The following TMEM117 variants were observed in gnomAD, a reference collection of about 807,000 sequenced individuals.
TMEM117 encodes the protein transmembrane protein 117.
Under a neutral mutation model 52.4 loss-of-function variants are expected in TMEM117, and 27 were observed. The ratio of observed to expected loss-of-function variants is 0.51; its 90% confidence interval spans 0.38 to 0.71. TMEM117 has a LOEUF of 0.71. Ranked by LOEUF, TMEM117 falls within the 30% of genes least tolerant of loss-of-function variation. The pLI, the probability that TMEM117 is intolerant of heterozygous loss-of-function variation, is 0.00. For missense variants in TMEM117, 556 were observed against 630.5 expected, an observed-to-expected ratio of 0.88 and a Z score of 1.26; for synonymous variants, 215 against 206.3, an observed-to-expected ratio of 1.04 and a Z score of -0.36.
chr12:44,037,444 G>C (rs922180182), intron 3 of TMEM117, among the ~76,000 whole-genome samples: 1 of 152,082 alleles, frequency 6.6e-6, no homozygotes, highest in Non-Finnish European at 1.5e-5. Flanking sequence ...TAACATGCTA[G>C]ACTCCTGCCG....
At chr12:44,248,948 C>T (rs936537934) in intron 5 of TMEM117, 1 of 152,362 alleles carries the variant, frequency 6.6e-6, no homozygotes, top group African/African-American at 2.4e-5. Flanking sequence ...CCAGCATGTC[C>T]TTCTGCTCAG....
At chr12:44,321,867 G>T (rs939893414) in intron 6 of TMEM117, among the ~76,000 whole-genome samples, 1 of 152,114 alleles carries the variant, frequency 6.6e-6, no homozygotes, top group African/African-American at 2.4e-5. Context: ...AAGCTTAGTG[G>T]CAAATGTATC....
chr12:43,956,113 C>T (rs1386417530), intron 3 of TMEM117, among the ~76,000 whole-genome samples: 1 of 152,152 alleles, frequency 6.6e-6, no homozygotes, highest in Non-Finnish European at 1.5e-5. Context: ...AACTGGATCT[C>T]TTCCTTACAC....
At chr12:44,091,241 C>T (rs1947666699) in intron 3 of TMEM117, among the ~76,000 whole-genome samples, 1 of 152,096 alleles carries the variant, frequency 6.6e-6, no homozygotes, top group Non-Finnish European at 1.5e-5. Context: ...CAGGAAAGAC[C>T]AGCCCCCATG....
At chr12:43,806,662 C>T in the TMEM117 span, among the ~76,000 whole-genome samples, 11 of 152,286 alleles carry the variant, frequency 7.2e-5, no homozygotes, top group Non-Finnish European at 1.5e-4. Context: ...TAGGCATTTT[C>T]CAGCTTAAAA....
intron 5 of TMEM117, among the ~76,000 whole-genome samples, chr12:44,294,668 T>A (rs1248667790): frequency 1.3e-5 from 2 of 152,196 alleles, no homozygotes; most frequent in Non-Finnish European, 2.9e-5. Flanking sequence ...GGAGCCATTA[T>A]TAAGTAAAAG....
chr12:43,930,376 C>T (rs1290828852), intron 2 of TMEM117, among the ~76,000 whole-genome samples: 4 of 152,118 alleles, frequency 2.6e-5, no homozygotes, highest in East Asian at 3.8e-4. Flanking sequence ...TATTTTGTTC[C>T]CTCATGTCCT....
chr12:44,195,813 G>A (rs1949411193), intron 4 of TMEM117, among the ~76,000 whole-genome samples: 2 of 151,794 alleles, frequency 1.3e-5, no homozygotes, highest in African/African-American at 2.4e-5. Context: ...CAACTACCAG[G>A]GAGGCCAAGG....
intron 6 of TMEM117, among the ~76,000 whole-genome samples, chr12:44,352,711 T>C (rs939711303): frequency 5.9e-5 from 9 of 152,164 alleles, no homozygotes; most frequent in African/African-American, 2.2e-4. Flanking sequence ...GACATTTGGG[T>C]TGGTTCCAAG....
intron 4 of TMEM117, among the ~76,000 whole-genome samples, chr12:44,206,145 G>GGTA (rs1949562958): frequency 6.6e-6 from 1 of 151,940 alleles, no homozygotes; most frequent in Non-Finnish European, 1.5e-5. Flanking sequence ...TAAGTTCTAG[G>GGTA]GTACATGTGC....
the TMEM117 span, among the ~76,000 whole-genome samples, chr12:43,820,103 T>G: frequency 1.8e-3 from 271 of 151,588 alleles, no homozygotes; most frequent in South Asian, 4.6e-3. Flanking sequence ...AGGTGTATTT[T>G]TTTTTGTTTT....
At chr12:43,871,595 C>T (rs1943706053) in intron 2 of TMEM117, among the ~76,000 whole-genome samples, 1 of 152,146 alleles carries the variant, frequency 6.6e-6, no homozygotes, top group South Asian at 2.1e-4. Flanking sequence ...AAATATCTAT[C>T]TTTAGCTGTC....
At chr12:44,094,686 CA>C (rs1947728302) in intron 3 of TMEM117, among the ~76,000 whole-genome samples, 1 of 151,712 alleles carries the variant, frequency 6.6e-6, no homozygotes. Flanking sequence ...ATTCCATTAT[CA>C]CTAAGAAAAT....
intron 2 of TMEM117, among the ~76,000 whole-genome samples, chr12:43,848,800 A>G (rs545749292): frequency 6.6e-6 from 1 of 152,354 alleles, no homozygotes; most frequent in African/African-American, 2.4e-5. Flanking sequence ...AAATGTCCAT[A>G]TTAAGATGAA....
intron 3 of TMEM117, among the ~76,000 whole-genome samples, chr12:44,129,592 C>T (rs1251460748): frequency 6.6e-6 from 1 of 152,130 alleles, no homozygotes; most frequent in Admixed American, 6.5e-5. Context: ...TTCCTGCCTC[C>T]CTGTCTTGAA....
chr12:43,975,727 A>T (rs766405277), intron 3 of TMEM117, among the ~76,000 whole-genome samples: 6 of 152,208 alleles, frequency 3.9e-5, no homozygotes, highest in Non-Finnish European at 7.3e-5. Context: ...ATAAACTTTT[A>T]TTCACCAAAC....
chr12:43,859,262 G>A (rs1047030131), intron 2 of TMEM117, among the ~76,000 whole-genome samples: 2 of 152,222 alleles, frequency 1.3e-5, no homozygotes, highest in Non-Finnish European at 2.9e-5. Flanking sequence ...GAAGTGGCAA[G>A]CGCAAAGTTG....
At chr12:44,384,485 C>T (rs1952062039) in intron 7 of TMEM117, among the ~76,000 whole-genome samples, 1 of 151,954 alleles carries the variant, frequency 6.6e-6, no homozygotes, top group African/African-American at 2.4e-5. Context: ...TTTTTAGTCT[C>T]AAAATTCATA....
intron 3 of TMEM117, among the ~76,000 whole-genome samples, chr12:44,103,877 A>G (rs973363461): frequency 1.3e-5 from 2 of 152,024 alleles, no homozygotes; most frequent in African/African-American, 4.8e-5. Flanking sequence ...TTTAAAACAT[A>G]TAGATAATTG....
Sources: gnomAD v4.1 joint callset for allele counts (sites outside exome capture counted in the v4.1 genomes callset) on GRCh38, gnomAD v4.1.1 for gene constraint, MANE v1.5 for transcripts, NCBI Gene and HGNC (gene_info 2026-07-23, HGNC 2026-07-21) for gene names.